VPS53: variants seen among roughly 807,000 people sequenced by gnomAD.
The protein encoded by VPS53 is vacuolar protein sorting-associated protein 53 homolog.
A neutral mutation model predicts 107.0 loss-of-function variants in VPS53; 70 were observed. The observed-to-expected ratio is 0.65, with a 90% confidence interval of 0.54 to 0.80. The LOEUF (loss-of-function observed/expected upper bound fraction) is 0.80. VPS53 is among the 30% of genes least tolerant of loss of function. The pLI, the probability that VPS53 is intolerant of heterozygous loss-of-function variation, is 0.00. For missense variants in VPS53, 917 were observed against 1,049.4 expected (o/e 0.87, Z 1.74); for synonymous variants, 409 against 393.3 (o/e 1.04, Z -0.47).
chr17:691,503 T>G (rs1972774067), intron 4 of VPS53, among the ~76,000 whole-genome samples: 1 of 151,936 alleles, frequency 6.6e-6, no homozygotes, highest in Admixed American at 6.5e-5. Context: ...AGCGAAGGAG[T>G]GAGCAATACA....
chr17:673,201 G>A (rs1379435620), intron 4 of VPS53, among the ~76,000 whole-genome samples: 1 of 151,874 alleles, frequency 6.6e-6, no homozygotes, highest in African/African-American at 2.4e-5. Flanking sequence ...AAACATGGAT[G>A]AGTGCTACCA....
Position 623,584 on chromosome 17 carries a change from C to G in VPS53, c.1065G>C (p.Glu355Asp), listed in dbSNP as rs1484669806. The G allele has an allele frequency of 1.2e-6, 2 of 1,613,824 alleles. No individual in the cohort carries two copies. ...CGGAGAAGCGTTTTGCAAGAAACCC[C>G]TCAAAGTTAGTTGTTCTTTGAATAG... The part of the protein sequence containing the change: ...LFAIQRTTNF[E>D]GFLAKRFSGC... The change falls in exon 11 of 22, where the codon GAG becomes GAC. Residue 355 changes from glutamate (E) to aspartate (D), a missense_variant. By Grantham distance (45) the Glu-to-Asp change is conservative. Transcript: ENST00000437048.
chr17:707,835 A>C, intron 2 of VPS53, among the ~76,000 whole-genome samples: 1 of 131,086 alleles, frequency 7.6e-6, no homozygotes, highest in South Asian at 2.5e-4. Flanking sequence ...ACAGAGTAAA[A>C]CTCTCTTTCA....
In VPS53 at chr17:623,678, C is replaced by A; in HGVS notation, c.975-4G>T. On this transcript the variant is annotated splice_region_variant and splice_polypyrimidine_tract_variant and intron_variant, in intron 10 of 21. Transcript: ENST00000437048. ...CATAATCTTGGCAAGTTCTGCCCTT[C>A]AAAACAAAGAGATAAGAATACTATC... The A allele has an allele frequency of 6.2e-7, 1 of 1,606,158 alleles. No individual in the cohort carries two copies. Among genetic ancestry groups the A allele is most frequent in the Non-Finnish European group, 8.5e-7 (1 of 1,174,554 alleles).
intron 2 of VPS53, among the ~76,000 whole-genome samples, chr17:701,075 G>C (rs1444286157): frequency 6.6e-6 from 1 of 152,178 alleles, no homozygotes; most frequent in Non-Finnish European, 1.5e-5. Flanking sequence ...TGTAATCCCA[G>C]CACTTTGGGA....
intron 16 of VPS53, 95 bp downstream of exon 16, chr17:553,285 G>A (rs1209386621): frequency 1.5e-5 from 17 of 1,147,930 alleles, no homozygotes; most frequent in Non-Finnish European, 2.2e-5. Context: ...GAAAGGGCAG[G>A]CAGCGAGCAA....
chr17:519,921 C>A lies in VPS53; in HGVS notation c.2233G>T (p.Ala745Ser). Residue 745 changes from alanine to serine, a missense_variant, in exon 21 of 22, where the codon GCC becomes TCC. Physicochemically the swap from Ala to Ser is moderately conservative, Grantham distance 99. Coordinates refer to ENST00000437048, the MANE Select transcript of VPS53 (RefSeq NM_001128159.3). The surrounding 1 kb of genome is among the most constrained non-coding windows in gnomAD (Gnocchi z 5.0). The stretch of plus-strand genomic sequence containing the variant: ...AACACCACCAACGGTTCATGAGGGG[C>A]CATCACTACCTACAGCGGGAGGAGA... ...RAEMILKVVM[A>S]PHEPLVVFVD... The A allele has an allele frequency of 6.4e-7, 1 of 1,551,162 alleles. No individual in the cohort carries two copies. The highest frequency in any genetic ancestry group is 8.7e-7 in the Non-Finnish European group (1 of 1,146,604).
chr17:592,991 C>G (rs1287903671), intron 12 of VPS53, among the ~76,000 whole-genome samples: 1 of 152,112 alleles, frequency 6.6e-6, no homozygotes, highest in Non-Finnish European at 1.5e-5. Flanking sequence ...ACAGAGCCCT[C>G]AGAAATAATG....
rs1057018545 is a variant in VPS53 at position 516,462 on chromosome 17, G to C, written c.*2666C>G. On this transcript the variant is annotated 3_prime_UTR_variant, in exon 22 of 22. Coordinates refer to ENST00000437048, the MANE Select transcript of VPS53 (RefSeq NM_001128159.3). ...GCTCACTGCAATCTTTGCCTCCCGG[G>C]TTCAAGCGATTCTCCTGCCTCAGCC... 34 of 152,032 alleles carry C rather than the reference G, an allele frequency of 2.2e-4. No homozygotes were observed. Among genetic ancestry groups the C allele is most frequent in the African/African-American group, 7.5e-4 (31 of 41,348 alleles). The allele number at this position is 152,032 out of a possible 1,614,324, so 9.4% of individuals were successfully genotyped here. A position where few individuals can be genotyped will look rare whatever the true frequency, so the allele number is the denominator to read the frequency against.
intron 4 of VPS53, among the ~76,000 whole-genome samples, chr17:667,224 A>AACAGAGAC (rs1189962730): frequency 6.6e-6 from 1 of 152,192 alleles, no homozygotes; most frequent in Non-Finnish European, 1.5e-5. Flanking sequence ...AAATAGTTAC[A>AACAGAGAC]ACAGAGACCA....
At chr17:685,737 C>A (rs1472722633) in intron 4 of VPS53, among the ~76,000 whole-genome samples, 1 of 152,058 alleles carries the variant, frequency 6.6e-6, no homozygotes, top group South Asian at 2.1e-4. Context: ...TGGTGGCTTG[C>A]ACCTGTAATT....
Position 520,876 on chromosome 17 carries a change from G to A in VPS53, c.2223+725C>T, listed in dbSNP as rs558358587. On this transcript the variant is annotated intron_variant, in intron 20 of 21. Transcript: ENST00000437048. This position sits in a 1 kb window ranked among gnomAD's most constrained non-coding sequence, Gnocchi z 4.4. ...ATGAGCTCTTCACCCTCACCTACAT[G>A]AGCTCTTCACCCTTACCTACATGAG... 6.6e-6 allele frequency among the ~76,000 whole-genome samples: 1 copy of A among 151,620 alleles called. No individual in the cohort carries two copies. The highest frequency in any genetic ancestry group is 2.1e-4 in the South Asian group (1 of 4,800).
chr17:536,854 C>G (rs766219114), intron 18 of VPS53, 174 bp downstream of exon 18: 10 of 751,170 alleles, frequency 1.3e-5, no homozygotes, highest in Non-Finnish European at 2.1e-5. Context: ...GAATGTGCCA[C>G]TTTGTGTGTG....
chr17:658,914 A>T (rs1187268426), intron 5 of VPS53, among the ~76,000 whole-genome samples: 1 of 152,158 alleles, frequency 6.6e-6, no homozygotes, highest in East Asian at 1.9e-4. Flanking sequence ...GCACAGCTCA[A>T]TTCCACACCT....
chr17:599,965 G>A (rs568886252), intron 12 of VPS53: 2 of 152,256 alleles, frequency 1.3e-5, no homozygotes, highest in South Asian at 2.1e-4. Context: ...ATGGTCAGTC[G>A]GTTAATGGCC....
intron 1 of VPS53, among the ~76,000 whole-genome samples, chr17:712,560 CACACATCACTA>C (rs1973684662): frequency 6.6e-6 from 1 of 152,094 alleles, no homozygotes; most frequent in South Asian, 2.1e-4. Context: ...CCTGACTCCT[CACACATCACTA>C]CTCTTTACAA....
intron 11 of VPS53, among the ~76,000 whole-genome samples, chr17:608,297 T>A (rs770670782): frequency 2.0e-5 from 3 of 152,202 alleles, no homozygotes; most frequent in Non-Finnish European, 4.4e-5. Flanking sequence ...TCTCATCTTT[T>A]CCAAAGCCCT....
chr17:647,779 C>T (rs1472484842), intron 7 of VPS53, among the ~76,000 whole-genome samples: 1 of 152,070 alleles, frequency 6.6e-6, no homozygotes, highest in Non-Finnish European at 1.5e-5. Context: ...CCCGGAGCGT[C>T]AGAAATAATA....
At chr17:557,592 G>A (rs950948507) in intron 15 of VPS53, among the ~76,000 whole-genome samples, 1 of 151,902 alleles carries the variant, frequency 6.6e-6, no homozygotes, top group Non-Finnish European at 1.5e-5. Flanking sequence ...CCCTTGACCT[G>A]GAATTAGTCA....
Sources: allele counts gnomAD v4.1 joint callset (sites outside exome capture counted in the v4.1 genomes callset), GRCh38; gene constraint gnomAD v4.1.1; non-coding constraint Gnocchi (gnomAD v3.1); transcripts MANE v1.5; gene names NCBI Gene and HGNC (gene_info 2026-07-23, HGNC 2026-07-21).